Variants in OR3A2 observed in about 807,000 individuals in gnomAD.
The protein encoded by OR3A2 is olfactory receptor family 3 subfamily A member 2.
For synonymous variants in OR3A2, 126 were observed against 159.3 expected (o/e 0.79, Z 1.57); for missense variants, 318 against 392.8 (o/e 0.81, Z 1.61).
chr17:3,347,310 T>C (rs1220155122), intron 2 of OR3A2, among the ~76,000 whole-genome samples: 1 of 152,152 alleles, frequency 6.6e-6, no homozygotes, highest in East Asian at 1.9e-4. Flanking sequence ...TAGTTACATA[T>C]GTATACATGT....
rs545600484 is a variant in OR3A2, at chr17:3,316,319, C to T, written c.-85+19714G>A. On this transcript the variant is annotated intron_variant, in intron 3 of 4. Transcript: ENST00000573491. ...CAGACATTGTGAGTTCTCAACACAT[C>T]TGTGAACTGTTGAGTACATCCACGA... is the stretch of plus-strand genomic sequence containing the variant. 9.8e-5 allele frequency among the ~76,000 whole-genome samples: 15 copies of T among 152,320 alleles called. No individual in the cohort carries two copies. In the South Asian group the frequency reaches 2.9e-3, roughly 29 times the overall value.
intron 2 of OR3A2, among the ~76,000 whole-genome samples, chr17:3,353,644 T>A (rs1248413252): frequency 6.6e-6 from 1 of 151,946 alleles, no homozygotes; most frequent in East Asian, 1.9e-4. Flanking sequence ...TCTGTTGATA[T>A]GATGCATCAC....
chr17:3,366,166 G>C lies in OR3A2; in HGVS notation c.-179+17638C>G, dbSNP rs143464191. 2.9e-4 allele frequency among the ~76,000 whole-genome samples: 44 copies of C among 152,310 alleles called. No individual in the cohort carries two copies. In the East Asian group the frequency reaches 8.5e-3, roughly 29 times the overall value. ...CAACTGGATTCACTGTCCAAACGAT[G>C]ATCAAGTAGGAGTGAAGTAGTTCCC... On this transcript the variant is annotated intron_variant, in intron 2 of 4. Coordinates refer to the OR3A2 transcript ENST00000573491.
intron 2 of OR3A2, among the ~76,000 whole-genome samples, chr17:3,340,408 G>A (rs2049307201): frequency 6.6e-6 from 1 of 152,112 alleles, no homozygotes; most frequent in Admixed American, 6.5e-5. Flanking sequence ...GGCACTTAGT[G>A]CTATAAATTT....
intron 3 of OR3A2, among the ~76,000 whole-genome samples, chr17:3,331,810 G>C (rs2150642577): frequency 6.6e-6 from 1 of 151,928 alleles, no homozygotes; most frequent in East Asian, 1.9e-4. Context: ...AGAGTTTCCA[G>C]TTTTTCTGTT....
At chr17:3,283,929 C>T (rs2048792147) in intron 1 of OR3A2, among the ~76,000 whole-genome samples, 1 of 142,220 alleles carries the variant, frequency 7.0e-6, no homozygotes, top group Non-Finnish European at 1.5e-5. Context: ...TCCAGAGGGT[C>T]TGACAGGGTC....
Position 3,291,950 on chromosome 17 carries a change from A to G in OR3A2, c.-84-12797T>C, listed in dbSNP as rs780081310. 4.3e-6 allele frequency: 7 copies of G among 1,613,984 alleles called. No homozygotes were observed. The South Asian group carries it at 6.6e-5, about 15-fold the overall frequency. ...AGATGACAATGAGAGCCATGGGGGTACCTGCCATTATAAAACCCACAGCAA... is the reference window on the plus strand; with the variant it reads ...AGATGACAATGAGAGCCATGGGGGTGCCTGCCATTATAAAACCCACAGCAA... On this transcript the variant is annotated intron_variant, in intron 3 of 4. Coordinates refer to the OR3A2 transcript ENST00000573491.
intron 2 of OR3A2, among the ~76,000 whole-genome samples, chr17:3,355,662 G>A (rs939525951): frequency 6.6e-6 from 1 of 150,830 alleles, no homozygotes; most frequent in Non-Finnish European, 1.5e-5. Flanking sequence ...GTTTTCATTG[G>A]CATGGAATCT....
chr17:3,278,758 C>T, exon 2 of OR3A2: 1 of 1,404,540 alleles, frequency 7.1e-7, no homozygotes, highest in Non-Finnish European at 9.7e-7. Flanking sequence ...TTGGGCTCCA[C>T]CAAGACGGCT....
intron 2 of OR3A2, among the ~76,000 whole-genome samples, chr17:3,359,542 G>C (rs573562571): frequency 3.3e-5 from 5 of 151,708 alleles, no homozygotes; most frequent in Non-Finnish European, 5.9e-5. Flanking sequence ...AACTTAGTTT[G>C]GCTGGATATG....
chr17:3,337,238 C>G (rs2049280563), intron 2 of OR3A2, among the ~76,000 whole-genome samples: 1 of 152,148 alleles, frequency 6.6e-6, no homozygotes, highest in Non-Finnish European at 1.5e-5. Context: ...TGTGCAACCT[C>G]ACTACTATCG....
At chr17:3,310,833 A>G (rs1306744337) in intron 3 of OR3A2, 4 of 1,022,788 alleles carry the variant, frequency 3.9e-6, no homozygotes, top group African/African-American at 3.4e-5. Context: ...CTGTGGCCCC[A>G]ATGTGATCAA....
intron 3 of OR3A2, among the ~76,000 whole-genome samples, chr17:3,321,025 T>C (rs2049117731): frequency 6.6e-6 from 1 of 152,204 alleles, no homozygotes; most frequent in Admixed American, 6.5e-5. Context: ...GGAATGTGTT[T>C]CCATTTCTTT....
chr17:3,344,595 C>A (rs1254962738), intron 2 of OR3A2, among the ~76,000 whole-genome samples: 1 of 152,188 alleles, frequency 6.6e-6, no homozygotes, highest in Admixed American at 6.5e-5. Context: ...AGTTTGTAGG[C>A]ACTACTGCCA....
intron 2 of OR3A2, among the ~76,000 whole-genome samples, chr17:3,346,171 A>G (rs903794418): frequency 1.3e-5 from 2 of 152,204 alleles, no homozygotes; most frequent in Admixed American, 1.3e-4. Context: ...ATGTGCATCC[A>G]TGTTGTCACA....
At chr17:3,371,228 G>T (rs552673465) in intron 2 of OR3A2, among the ~76,000 whole-genome samples, 1 of 151,682 alleles carries the variant, frequency 6.6e-6, no homozygotes, top group Non-Finnish European at 1.5e-5. Flanking sequence ...CGGGTGGGGC[G>T]GCTGGCCAGG....
At chr17:3,350,882 T>C (rs1359999395) in intron 2 of OR3A2, among the ~76,000 whole-genome samples, 405 of 147,130 alleles carry the variant, frequency 2.8e-3, no homozygotes, top group African/African-American at 9.1e-3. Context: ...GTTCAATATA[T>C]GCAAATCAAT....
At chr17:3,297,492 G>A (rs1181226632) in intron 3 of OR3A2, among the ~76,000 whole-genome samples, 1 of 151,796 alleles carries the variant, frequency 6.6e-6, no homozygotes, top group East Asian at 1.9e-4. Context: ...CAATTAAAAT[G>A]TGCTTCCTCT....
intron 2 of OR3A2, among the ~76,000 whole-genome samples, chr17:3,382,666 C>A (rs938554561): frequency 2.0e-5 from 3 of 152,218 alleles, no homozygotes; most frequent in African/African-American, 7.2e-5. Flanking sequence ...AAGCAACCCA[C>A]AAAACATCTT....
Sources: allele counts gnomAD v4.1 joint callset (sites outside exome capture counted in the v4.1 genomes callset), GRCh38; gene constraint gnomAD v4.1.1; transcripts MANE v1.5; gene names NCBI Gene and HGNC (gene_info 2026-07-23, HGNC 2026-07-21).